FAM110B: variants seen among roughly 807,000 people sequenced by gnomAD.
FAM110B encodes protein FAM110B.
FAM110B carries 6 observed loss-of-function variants against 20.4 expected under a neutral mutation model. The observed-to-expected ratio is 0.29, with a 90% confidence interval of 0.16 to 0.58. The LOEUF is 0.58. Ranked by LOEUF, FAM110B falls within the 20% of genes least tolerant of loss-of-function variation. The pLI is 0.90. For missense variants in FAM110B, 434 were observed against 498.2 expected (o/e 0.87, Z 1.23); for synonymous variants, 226 against 214.1 (o/e 1.06, Z -0.49).
chr8:58,085,794 G>A (rs7001467), intron 3 of FAM110B, among the ~76,000 whole-genome samples: 17,353 of 152,088 alleles, frequency 0.11, 3,288 homozygotes, highest in African/African-American at 0.39. Flanking sequence ...TTTGCGGGGT[G>A]GTTTATCCCC....
At chr8:58,098,156 C>T (rs1324177881) in intron 3 of FAM110B, among the ~76,000 whole-genome samples, 3 of 152,224 alleles carry the variant, frequency 2.0e-5, no homozygotes, top group Non-Finnish European at 4.4e-5. Context: ...CACCCCTTCC[C>T]CCAGGTGTTC....
chr8:58,013,398 C>G (rs1346018770), intron 1 of FAM110B, among the ~76,000 whole-genome samples: 3 of 152,102 alleles, frequency 2.0e-5, no homozygotes, highest in African/African-American at 7.2e-5. Flanking sequence ...TGGCAGTAGT[C>G]CCAGCCTGGC....
chr8:58,046,929 G>T (rs932393823), intron 2 of FAM110B, among the ~76,000 whole-genome samples: 8 of 152,182 alleles, frequency 5.3e-5, no homozygotes, highest in African/African-American at 1.9e-4. Context: ...ATAGGACATA[G>T]GGTCTTAAGG....
intron 3 of FAM110B, among the ~76,000 whole-genome samples, chr8:58,136,529 C>T (rs181634018): frequency 6.6e-5 from 10 of 152,212 alleles, no homozygotes; most frequent in South Asian, 2.1e-4. Context: ...ATTGTATTTG[C>T]GTAAAGGAAT....
intron 3 of FAM110B, among the ~76,000 whole-genome samples, chr8:58,076,735 C>T (rs1025291390): frequency 1.3e-4 from 20 of 152,108 alleles, no homozygotes; most frequent in African/African-American, 4.3e-4. Context: ...TCATTTCCAC[C>T]ATGAGTTGAA....
chr8:57,996,634 T>G (rs1271171643), intron 1 of FAM110B, among the ~76,000 whole-genome samples: 2 of 152,188 alleles, frequency 1.3e-5, no homozygotes, highest in Non-Finnish European at 2.9e-5. Flanking sequence ...AAGAGCCTAA[T>G]TGTTTAAAGA....
chr8:58,016,072 C>T (rs1440544808), intron 1 of FAM110B, among the ~76,000 whole-genome samples: 1 of 152,076 alleles, frequency 6.6e-6, no homozygotes, highest in Non-Finnish European at 1.5e-5. Flanking sequence ...TGTAGAGTAT[C>T]TTTTAATCAG....
chr8:58,119,170 T>A (rs1231779332), intron 3 of FAM110B, among the ~76,000 whole-genome samples: 1 of 152,190 alleles, frequency 6.6e-6, no homozygotes, highest in Non-Finnish European at 1.5e-5. Context: ...CCCTCATAAC[T>A]TATTTTCTCT....
intron 3 of FAM110B, among the ~76,000 whole-genome samples, chr8:58,092,369 A>G (rs1339136659): frequency 6.6e-6 from 1 of 151,912 alleles, no homozygotes; most frequent in Non-Finnish European, 1.5e-5. Context: ...TACATTAGGT[A>G]TTTCTCCTAA....
chr8:57,999,314 G>GATCA (rs1804247996), intron 1 of FAM110B, among the ~76,000 whole-genome samples: 1 of 152,204 alleles, frequency 6.6e-6, no homozygotes, highest in Non-Finnish European at 1.5e-5. Flanking sequence ...ATCAGGGCAA[G>GATCA]ATCAATGGGT....
chr8:58,093,901 G>T (rs1372892572), intron 3 of FAM110B, among the ~76,000 whole-genome samples: 1 of 152,098 alleles, frequency 6.6e-6, no homozygotes, highest in East Asian at 1.9e-4. Flanking sequence ...TTTTCCATTT[G>T]TTTGTGCCCT....
intron 2 of FAM110B, among the ~76,000 whole-genome samples, chr8:58,050,981 C>G (rs1585843343): frequency 6.6e-6 from 1 of 152,218 alleles, no homozygotes; most frequent in African/African-American, 2.4e-5. Context: ...GCTCTAAGAA[C>G]TCTCTTCTTG....
rs113103690 is a variant in FAM110B, at chr8:58,056,008, G to T, written c.-413-19527G>T. Among the ~76,000 whole-genome samples the T allele has an allele frequency of 2.9e-3, 444 of 152,226 alleles. 3 individuals are homozygous for T. The highest frequency in any genetic ancestry group is 0.01 in the African/African-American group (426 of 41,544). On this transcript the variant is annotated intron_variant, in intron 2 of 3. Coordinates refer to ENST00000519262, the MANE Select transcript of FAM110B (RefSeq NM_001377989.1). ...ATGTTTTAGTCTAGCCTAGATCAGG[G>T]GTTGGCAAACTATTGCCTGTGTGCC...
intron 1 of FAM110B, among the ~76,000 whole-genome samples, chr8:58,018,981 T>C (rs1385807493): frequency 6.6e-6 from 1 of 152,174 alleles, no homozygotes; most frequent in Non-Finnish European, 1.5e-5. Flanking sequence ...TAGTTGTATG[T>C]TTGTTGTACA....
chr8:58,075,841 C>T (rs956235986), intron 3 of FAM110B, among the ~76,000 whole-genome samples: 1 of 152,148 alleles, frequency 6.6e-6, no homozygotes, highest in African/African-American at 2.4e-5. Flanking sequence ...TGGCTGTTTG[C>T]CGTTCCAAGG....
chr8:58,067,510 C>A (rs573475449), intron 2 of FAM110B, among the ~76,000 whole-genome samples: 1 of 152,278 alleles, frequency 6.6e-6, no homozygotes, highest in East Asian at 1.9e-4. Flanking sequence ...ACGACCTTCA[C>A]AGCTCTTGAA....
At chr8:58,078,282 G>T (rs1806086645) in intron 3 of FAM110B, among the ~76,000 whole-genome samples, 1 of 152,166 alleles carries the variant, frequency 6.6e-6, no homozygotes, top group Non-Finnish European at 1.5e-5. Context: ...AAATGATATT[G>T]TAATGTTCTT....
chr8:58,125,697 A>T (rs1374943308), intron 3 of FAM110B, among the ~76,000 whole-genome samples: 3 of 152,208 alleles, frequency 2.0e-5, no homozygotes, highest in Non-Finnish European at 4.4e-5. Context: ...TTCTCCATAT[A>T]AAATGTCTTA....
intron 1 of FAM110B, among the ~76,000 whole-genome samples, chr8:58,003,714 C>T (rs1001658302): frequency 6.6e-6 from 1 of 152,160 alleles, no homozygotes; most frequent in Admixed American, 6.5e-5. Flanking sequence ...CAGTGGGTCT[C>T]AACAATGGTC....
Sources: allele counts gnomAD v4.1 joint callset (sites outside exome capture counted in the v4.1 genomes callset), GRCh38; gene constraint gnomAD v4.1.1; transcripts MANE v1.5; gene names NCBI Gene and HGNC (gene_info 2026-07-23, HGNC 2026-07-21).